Variants in MED13L observed in about 807,000 individuals in gnomAD.
The protein encoded by MED13L is mediator of RNA polymerase II transcription subunit 13-like.
Under a neutral mutation model 220.9 loss-of-function variants are expected in MED13L, and 7 were observed. That is an observed-to-expected ratio of 0.03 (90% confidence interval 0.02 to 0.06). The LOEUF (loss-of-function observed/expected upper bound fraction) is 0.06. Ranked by LOEUF, MED13L falls within the 10% of genes least tolerant of loss-of-function variation. MED13L has a pLI of 1.00. For synonymous variants in MED13L, 1,011 were observed against 1,015.2 expected (o/e 1.00, Z 0.08); for missense variants, 1,965 against 2,760.5 (o/e 0.71, Z 6.46).
intron 4 of MED13L, among the ~76,000 whole-genome samples, chr12:116,055,189 C>T (rs1358697801): frequency 6.6e-6 from 1 of 152,142 alleles, no homozygotes; most frequent in Non-Finnish European, 1.5e-5. Context: ...ATAAGGGGTG[C>T]TTCTAAGAAG....
chr12:116,047,916 G>A (rs1290350719), intron 4 of MED13L, among the ~76,000 whole-genome samples: 2 of 152,160 alleles, frequency 1.3e-5, no homozygotes, highest in Non-Finnish European at 1.5e-5. Context: ...AAGAAAAAGA[G>A]TAAGGGAAGC....
intron 8 of MED13L, 62 bp downstream of exon 8, chr12:116,015,047 C>T: frequency 1.3e-6 from 2 of 1,509,550 alleles, no homozygotes; most frequent in Non-Finnish European, 1.8e-6. Flanking sequence ...TTGACATTTT[C>T]CAGGTAGCAA....
intron 4 of MED13L, among the ~76,000 whole-genome samples, chr12:116,089,955 G>A (rs1872047544): frequency 6.6e-6 from 1 of 152,148 alleles, no homozygotes; most frequent in Non-Finnish European, 1.5e-5. Context: ...TTTAAATGTA[G>A]TCAACTTCTA....
intron 1 of MED13L, among the ~76,000 whole-genome samples, chr12:116,240,410 T>C (rs981372793): frequency 2.0e-5 from 3 of 152,146 alleles, no homozygotes; most frequent in African/African-American, 7.2e-5. Flanking sequence ...AGTTCCTTTG[T>C]TTCTTCAAAT....
At chr12:116,043,409 C>T (rs897849665) in intron 4 of MED13L, among the ~76,000 whole-genome samples, 9 of 152,160 alleles carry the variant, frequency 5.9e-5, no homozygotes, top group Non-Finnish European at 7.3e-5. Context: ...GACTCCTCTC[C>T]GAATAATTTA....
intron 3 of MED13L, among the ~76,000 whole-genome samples, chr12:116,097,931 G>C (rs73198040): frequency 0.13 from 19,570 of 152,180 alleles, 1,574 homozygotes; most frequent in South Asian, 0.17. Context: ...TGGATTGTAA[G>C]GAGTATAACT....
At chr12:116,241,243 T>C (rs1329574092) in intron 1 of MED13L, among the ~76,000 whole-genome samples, 2 of 150,676 alleles carry the variant, frequency 1.3e-5, no homozygotes, top group African/African-American at 4.9e-5. Context: ...AGGCAGAGGT[T>C]GTAGTGAGCC....
chr12:116,256,851 A>C (rs1040284608), intron 1 of MED13L, among the ~76,000 whole-genome samples: 1 of 151,948 alleles, frequency 6.6e-6, no homozygotes, highest in East Asian at 1.9e-4. Flanking sequence ...TCGCCCAGCT[A>C]ATTTTTGTAT....
chr12:116,185,718 T>C (rs1880849863), intron 2 of MED13L, among the ~76,000 whole-genome samples: 2 of 147,194 alleles, frequency 1.4e-5, no homozygotes, highest in Admixed American at 6.8e-5. Flanking sequence ...CTTTTCGAGA[T>C]AAGAGTCTCG....
intron 2 of MED13L, among the ~76,000 whole-genome samples, chr12:116,193,678 A>G (rs529126796): frequency 1.3e-5 from 2 of 152,134 alleles, no homozygotes; most frequent in African/African-American, 2.4e-5. Flanking sequence ...AAAAGGTAAG[A>G]ATTTCTAATT....
At chr12:116,144,328 T>TA (rs1469589439) in intron 2 of MED13L, among the ~76,000 whole-genome samples, 1 of 152,130 alleles carries the variant, frequency 6.6e-6, no homozygotes, top group Non-Finnish European at 1.5e-5. Context: ...CCATCTCTTG[T>TA]CCTTCACTGT....
At chr12:116,042,764 G>A (rs903339754) in intron 4 of MED13L, among the ~76,000 whole-genome samples, 9 of 151,880 alleles carry the variant, frequency 5.9e-5, no homozygotes, top group African/African-American at 1.7e-4. Context: ...GGCTGATAGC[G>A]TAAAAAAAAA....
At chr12:116,004,014 A>C (rs1267679678) in intron 13 of MED13L, among the ~76,000 whole-genome samples, 1 of 152,216 alleles carries the variant, frequency 6.6e-6, no homozygotes, top group African/African-American at 2.4e-5. Context: ...AATATTACTA[A>C]AAGTATATTC....
intron 6 of MED13L, 61 bp from the exon 7 acceptor site, chr12:116,019,473 A>T: frequency 6.4e-7 from 1 of 1,561,718 alleles, no homozygotes; most frequent in East Asian, 2.3e-5. Context: ...CAAGACTTCC[A>T]ATTTTATGAT....
intron 2 of MED13L, among the ~76,000 whole-genome samples, chr12:116,199,878 A>G (rs992869940): frequency 6.6e-6 from 1 of 152,188 alleles, no homozygotes; most frequent in African/African-American, 2.4e-5. Flanking sequence ...CAGAAGGACA[A>G]ATTTTCTCAG....
intron 14 of MED13L, 63 bp from the exon 15 acceptor site, chr12:115,997,293 T>TA: frequency 1.4e-6 from 2 of 1,400,470 alleles, no homozygotes; most frequent in Non-Finnish European, 1.0e-6. Flanking sequence ...TCCTAGCTTA[T>TA]AGCCAGGCGC....
chr12:116,114,343 C>T (rs1347450055), intron 2 of MED13L, among the ~76,000 whole-genome samples: 3 of 152,192 alleles, frequency 2.0e-5, no homozygotes, highest in Non-Finnish European at 4.4e-5. Context: ...TCCAGGCATG[C>T]GCTGTGGAAC....
chr12:116,272,839 C>T (rs796124183), intron 1 of MED13L, among the ~76,000 whole-genome samples: 20 of 152,270 alleles, frequency 1.3e-4, no homozygotes, highest in African/African-American at 4.8e-4. Flanking sequence ...CCTTAAATTG[C>T]TGTCTATTAT....
Position 115,970,782 on chromosome 12 carries a change from A to G in MED13L, c.5891-12T>C, listed in dbSNP as rs371509176. Reference sequence around the variant, plus strand: ...CATTGTGACAGCATCTTTAAAGAAAAAAATAGAATTATATCAATCAATGAA... The same window carrying G: ...CATTGTGACAGCATCTTTAAAGAAAGAAATAGAATTATATCAATCAATGAA... On this transcript the variant is annotated splice_polypyrimidine_tract_variant and intron_variant, in intron 26 of 30. Coordinates refer to ENST00000281928, the MANE Select transcript of MED13L (RefSeq NM_015335.5). 49 of 1,612,546 alleles carry G rather than the reference A, an allele frequency of 3.0e-5. No individual in the cohort carries two copies. Among genetic ancestry groups the G allele is most frequent in the Admixed American group, 2.2e-4 (13 of 59,902 alleles).
Sources: allele counts gnomAD v4.1 joint callset (sites outside exome capture counted in the v4.1 genomes callset), GRCh38; gene constraint gnomAD v4.1.1; transcripts MANE v1.5; gene names NCBI Gene and HGNC (gene_info 2026-07-23, HGNC 2026-07-21).